HPSE2: variants seen among roughly 807,000 people sequenced by gnomAD.
HPSE2 encodes inactive heparanase-2.
A neutral mutation model predicts 60.5 loss-of-function variants in HPSE2; 38 were observed. The observed-to-expected ratio is 0.63, with a 90% CI of 0.48 to 0.82. The LOEUF (loss-of-function observed/expected upper bound fraction) is 0.82. Among genes scored for constraint, HPSE2 ranks in the 40% least tolerant of loss-of-function variants. HPSE2 has a pLI of 0.00. For missense variants in HPSE2, 713 were observed against 740.4 expected, an observed-to-expected ratio of 0.96 and a Z score of 0.43; for synonymous variants, 295 against 293.2, an observed-to-expected ratio of 1.01 and a Z score of -0.06.
chr10:98,782,909 T>TTTAC (rs1565160178), intron 3 of HPSE2, among the ~76,000 whole-genome samples: 1 of 10,298 alleles, frequency 9.7e-5, no homozygotes. Context: ...TCCCTGTTTG[T>TTTAC]TTATTTTTTT....
At chr10:98,615,135 C>A (rs1485035889) in intron 8 of HPSE2, 117 bp from the exon 9 acceptor site, 13 of 733,744 alleles carry the variant, frequency 1.8e-5, no homozygotes, top group Non-Finnish European at 2.7e-5. Flanking sequence ...CCAAATTTAC[C>A]TAGTACTTTA....
intron 3 of HPSE2, among the ~76,000 whole-genome samples, chr10:98,816,891 T>G (rs1332661627): frequency 6.6e-6 from 1 of 152,156 alleles, no homozygotes; most frequent in African/African-American, 2.4e-5. Context: ...TATTTTATTT[T>G]TTAGATAACA....
intron 10 of HPSE2, among the ~76,000 whole-genome samples, chr10:98,486,166 T>G (rs1941433224): frequency 6.6e-6 from 1 of 152,174 alleles, no homozygotes; most frequent in Non-Finnish European, 1.5e-5. Flanking sequence ...CCAGGCCTTT[T>G]TGCTGCAAAG....
At chr10:98,549,359 T>C (rs953500906) in intron 9 of HPSE2, among the ~76,000 whole-genome samples, 23 of 140,492 alleles carry the variant, frequency 1.6e-4, no homozygotes, top group African/African-American at 5.9e-4. Context: ...ATTATTATTA[T>C]CCCTCTATTG....
chr10:99,283,521 TA>T, the HPSE2 span, among the ~76,000 whole-genome samples: 63 of 151,114 alleles, frequency 4.2e-4, no homozygotes, highest in African/African-American at 1.4e-3. Context: ...AAAAGAAATT[TA>T]AAAAAAAATT....
At chr10:99,184,061 A>C (rs915560505) in intron 2 of HPSE2, among the ~76,000 whole-genome samples, 3 of 152,204 alleles carry the variant, frequency 2.0e-5, no homozygotes, top group Admixed American at 6.5e-5. Flanking sequence ...ATTTAAAGGA[A>C]TATCAAATCA....
chr10:98,943,092 GA>G (rs1955065213), intron 3 of HPSE2, among the ~76,000 whole-genome samples: 1 of 99,588 alleles, frequency 1.0e-5, no homozygotes, highest in Non-Finnish European at 1.8e-5. Flanking sequence ...GGGGTGGGGG[GA>G]GGGGGGAGGG....
Position 98,942,319 on chromosome 10 carries a change from G to T in HPSE2, c.611-198263C>A, listed in dbSNP as rs892620184. On this transcript the variant is annotated intron_variant, in intron 3 of 11. Transcript: ENST00000370552. ...ACCTATAAAATGGGAGAAAATTTTC[G>T]CAACCTACTCATCTGACAAAGGGCT... Among the ~76,000 whole-genome samples, 11 of 143,132 alleles carry T rather than the reference G, an allele frequency of 7.7e-5. 1 individual carries two copies. Among genetic ancestry groups the T allele is most frequent in the African/African-American group, 2.0e-4 (7 of 35,028 alleles). 93.9% of individuals were successfully genotyped at this position (143,132 alleles called of 152,430 possible).
intron 3 of HPSE2, among the ~76,000 whole-genome samples, chr10:98,907,808 A>G (rs913362133): frequency 1.4e-5 from 2 of 140,460 alleles, no homozygotes; most frequent in Non-Finnish European, 3.3e-5. Flanking sequence ...GAGATATGGT[A>G]TAAAAGTATA....
chr10:98,522,990 C>T (rs1415763027), intron 9 of HPSE2, among the ~76,000 whole-genome samples: 1 of 152,210 alleles, frequency 6.6e-6, no homozygotes, highest in Non-Finnish European at 1.5e-5. Context: ...ATCCATACAG[C>T]AGGATTTTTC....
chr10:98,780,117 T>C (rs1950431082), intron 3 of HPSE2, among the ~76,000 whole-genome samples: 1 of 152,074 alleles, frequency 6.6e-6, no homozygotes, highest in African/African-American at 2.4e-5. Context: ...AAATGGTATA[T>C]GTAGGAAGGC....
intron 3 of HPSE2, among the ~76,000 whole-genome samples, chr10:98,828,671 A>G (rs970009583): frequency 2.6e-5 from 4 of 152,244 alleles, no homozygotes; most frequent in African/African-American, 9.6e-5. Flanking sequence ...CATCCATTAG[A>G]ATGACTATTA....
intron 3 of HPSE2, among the ~76,000 whole-genome samples, chr10:98,852,987 CTCTTTGGGG>C (rs1952219262): frequency 1.3e-5 from 2 of 152,170 alleles, no homozygotes; most frequent in Non-Finnish European, 2.9e-5. Context: ...CTTTAAGGCC[CTCTTTGGGG>C]CCTTATGTTG....
chr10:99,212,805 G>T (rs1261543077), intron 2 of HPSE2, among the ~76,000 whole-genome samples: 2 of 152,120 alleles, frequency 1.3e-5, no homozygotes, highest in African/African-American at 2.4e-5. Context: ...AAATTAAAAA[G>T]TATGTGAGGT....
In HPSE2 at chr10:98,766,059, A is replaced by T. The variant is rs184462520; in HGVS notation, c.611-22003T>A. Among the ~76,000 whole-genome samples the T allele has an allele frequency of 1.5e-4, 23 of 152,278 alleles. 1 individual carries two copies. In the South Asian group the frequency reaches 3.7e-3, roughly 25 times the overall value. On this transcript the variant is annotated intron_variant, in intron 3 of 11. Coordinates refer to ENST00000370552, the MANE Select transcript of HPSE2 (RefSeq NM_021828.5). Reference sequence around the variant, plus strand: ...TAACAGACCAAAAACGAGCTGAGAGACATACAAATTACCAGTATCAAGAAG... The same window carrying T: ...TAACAGACCAAAAACGAGCTGAGAGTCATACAAATTACCAGTATCAAGAAG...
intron 2 of HPSE2, among the ~76,000 whole-genome samples, chr10:99,146,980 ACTGC>A (rs1329698929): frequency 1.1e-4 from 16 of 152,266 alleles, no homozygotes; most frequent in Admixed American, 6.5e-4. Flanking sequence ...CCTGTGCTAG[ACTGC>A]CTATCTCTTA....
intron 3 of HPSE2, among the ~76,000 whole-genome samples, chr10:99,069,221 A>G (rs1241150166): frequency 6.6e-6 from 1 of 152,122 alleles, no homozygotes; most frequent in Non-Finnish European, 1.5e-5. Context: ...GCTATCTGGG[A>G]AGCTAGAAAT....
intron 9 of HPSE2, among the ~76,000 whole-genome samples, chr10:98,602,591 T>C (rs891928743): frequency 1.3e-5 from 2 of 152,096 alleles, no homozygotes; most frequent in South Asian, 4.1e-4. Context: ...TACATATACA[T>C]ATATGTATAA....
At chr10:99,081,457 T>C (rs1843133422) in intron 3 of HPSE2, among the ~76,000 whole-genome samples, 1 of 152,086 alleles carries the variant, frequency 6.6e-6, no homozygotes, top group South Asian at 2.1e-4. Flanking sequence ...GGAATAATGA[T>C]ATTTTATAGG....
Sources: allele counts gnomAD v4.1 joint callset (sites outside exome capture counted in the v4.1 genomes callset), GRCh38; gene constraint gnomAD v4.1.1; transcripts MANE v1.5; gene names NCBI Gene and HGNC (gene_info 2026-07-23, HGNC 2026-07-21).